STPG2: variants seen among roughly 807,000 people sequenced by gnomAD.
STPG2 encodes the protein sperm tail PG-rich repeat containing 2.
In STPG2, 56 loss-of-function variants were observed where a neutral mutation model predicts 54.2. That is an observed-to-expected ratio of 1.03 (90% CI 0.83 to 1.29). The LOEUF is 1.29. Among genes scored for constraint, STPG2 ranks in the 50% most tolerant of loss-of-function variants. The probability of loss-of-function intolerance (pLI) is 0.00; values close to 1 mark genes in which losing one functional copy is unlikely to be tolerated. For synonymous variants in STPG2, 200 were observed against 181.8 expected, an observed-to-expected ratio of 1.10 and a Z score of -0.81; for missense variants, 596 against 544.9, an observed-to-expected ratio of 1.09 and a Z score of -0.93.
intron 9 of STPG2, among the ~76,000 whole-genome samples, chr4:97,782,512 T>C (rs931342649): frequency 1.2e-4 from 18 of 152,166 alleles, no homozygotes; most frequent in Non-Finnish European, 2.4e-4. Context: ...ACCAAGGTAA[T>C]TTACACATTC....
chr4:97,840,414 ATAACT>A (rs1728762647), intron 9 of STPG2, among the ~76,000 whole-genome samples: 2 of 151,822 alleles, frequency 1.3e-5, no homozygotes, highest in East Asian at 1.9e-4. Context: ...TTTGAAAAAA[ATAACT>A]TAAGTCTTTT....
intron 8 of STPG2, among the ~76,000 whole-genome samples, chr4:97,887,884 G>T (rs936997295): frequency 6.6e-6 from 1 of 152,204 alleles, no homozygotes; most frequent in Non-Finnish European, 1.5e-5. Flanking sequence ...GCCCTGTGCA[G>T]CCTTGGGAAA....
intron 4 of STPG2, among the ~76,000 whole-genome samples, chr4:97,471,146 T>A (rs2148814925): frequency 6.6e-6 from 1 of 152,278 alleles, no homozygotes; most frequent in African/African-American, 2.4e-5. Context: ...AATTTAAAAC[T>A]TACTAATTAT....
chr4:97,697,946 A>G (rs1490544293), intron 10 of STPG2, among the ~76,000 whole-genome samples: 1 of 152,184 alleles, frequency 6.6e-6, no homozygotes, highest in Non-Finnish European at 1.5e-5. Context: ...CTATAGAAAC[A>G]ATGCTTATCA....
intron 10 of STPG2, among the ~76,000 whole-genome samples, chr4:97,691,845 C>T (rs752656736): frequency 5.3e-5 from 8 of 152,098 alleles, no homozygotes; most frequent in East Asian, 1.9e-4. Flanking sequence ...GGCTGACAGA[C>T]GTGAAGACGA....
chr4:97,799,147 T>C (rs1457505799), intron 9 of STPG2, among the ~76,000 whole-genome samples: 1 of 141,668 alleles, frequency 7.1e-6, no homozygotes, highest in Non-Finnish European at 1.5e-5. Flanking sequence ...AGTTTGTCAG[T>C]CTGTGTCTTT....
rs543069388 is a variant in STPG2, at chr4:97,926,092, C to T, written c.1044+17805G>A. The stretch of plus-strand genomic sequence containing the variant: ...ACTAGATCCTGACTGATCATAGGCC[C>T]TCTCTACCTAAATGTATCTTTATGC... On this transcript the variant is annotated intron_variant, in intron 8 of 10. Coordinates refer to ENST00000295268, the MANE Select transcript of STPG2 (RefSeq NM_174952.3). Among the ~76,000 whole-genome samples, 34 of 152,226 alleles carry T rather than the reference C, an allele frequency of 2.2e-4. No homozygotes were observed. The South Asian group carries it at 3.1e-3, about 14-fold the overall frequency.
At chr4:97,815,541 C>G (rs965949241) in intron 9 of STPG2, among the ~76,000 whole-genome samples, 3 of 151,966 alleles carry the variant, frequency 2.0e-5, no homozygotes, top group African/African-American at 7.3e-5. Flanking sequence ...GTTTTCTTTC[C>G]TCACTCTCTT....
intron 10 of STPG2, among the ~76,000 whole-genome samples, chr4:97,587,494 A>G (rs1036099799): frequency 1.3e-5 from 2 of 152,052 alleles, no homozygotes; most frequent in African/African-American, 4.8e-5. Context: ...TTTAAAAACA[A>G]TAAGAACCTT....
At position 97,928,003 on chromosome 4, in the gene STPG2, A is replaced by T. The variant is rs193079986; in HGVS notation, c.1044+15894T>A. On this transcript the variant is annotated intron_variant, in intron 8 of 10. Transcript: ENST00000295268. ...TCTCAGGGTGATTCCCCTAACACAT[A>T]CTCAAAACCAAAACATTCAACACAG... Among the ~76,000 whole-genome samples the T allele has an allele frequency of 1.1e-4, 17 of 152,282 alleles. No individual in the cohort carries two copies. In the East Asian group the frequency reaches 2.9e-3, roughly 26 times the overall value.
intron 10 of STPG2, among the ~76,000 whole-genome samples, chr4:97,692,583 C>T (rs777133575): frequency 1.3e-5 from 2 of 152,010 alleles, no homozygotes. Context: ...TTGGTATTCC[C>T]GAGGAAGAAG....
chr4:97,488,703 C>A (rs1327081969), intron 4 of STPG2, among the ~76,000 whole-genome samples: 2 of 151,594 alleles, frequency 1.3e-5, no homozygotes, highest in Non-Finnish European at 3.0e-5. Flanking sequence ...CAGAAAGAGA[C>A]AATACATAGA....
At chr4:97,864,350 A>C in intron 8 of STPG2, among the ~76,000 whole-genome samples, 1 of 152,178 alleles carries the variant, frequency 6.6e-6, no homozygotes, top group Non-Finnish European at 1.5e-5. Context: ...ATTACTTCAA[A>C]GAGAATAAAA....
intron 5 of STPG2, among the ~76,000 whole-genome samples, chr4:97,999,014 T>C (rs1394187138): frequency 2.2e-5 from 3 of 136,154 alleles, no homozygotes; most frequent in Non-Finnish European, 4.9e-5. Context: ...ATTTGTATTT[T>C]TTTTTCTGTA....
chr4:97,998,817 C>T (rs1280458120), intron 5 of STPG2, among the ~76,000 whole-genome samples: 1 of 152,056 alleles, frequency 6.6e-6, no homozygotes, highest in Admixed American at 6.6e-5. Flanking sequence ...GTAAAAAACC[C>T]TGGCAAGACT....
Position 97,792,351 on chromosome 4 carries a change from T to G in STPG2, c.1204+48422A>C, listed in dbSNP as rs538568358. On this transcript the variant is annotated intron_variant, in intron 9 of 10. Transcript: ENST00000295268. ...CCCCTGCTAGGGAGACACTAAAACTTTAATTAATCCTTGACTTCTCCCTTT... is the reference window on the plus strand; with the variant it reads ...CCCCTGCTAGGGAGACACTAAAACTGTAATTAATCCTTGACTTCTCCCTTT... Among the ~76,000 whole-genome samples the G allele has an allele frequency of 4.6e-5, 7 of 152,260 alleles. No homozygotes were observed. The South Asian group carries it at 1.4e-3, about 32-fold the overall frequency.
At chr4:97,766,455 T>G (rs1048252787) in intron 9 of STPG2, among the ~76,000 whole-genome samples, 1 of 152,030 alleles carries the variant, frequency 6.6e-6, no homozygotes, top group Non-Finnish European at 1.5e-5. Context: ...AAAATACTAA[T>G]GAGTACACAA....
chr4:97,733,631 T>C (rs749330930), intron 9 of STPG2, among the ~76,000 whole-genome samples: 2 of 152,158 alleles, frequency 1.3e-5, no homozygotes, highest in Non-Finnish European at 2.9e-5. Flanking sequence ...ATGGAAGCTC[T>C]TGTAGCTAGG....
chr4:97,679,793 G>T (rs1263991705), intron 10 of STPG2, among the ~76,000 whole-genome samples: 6 of 152,072 alleles, frequency 3.9e-5, no homozygotes, highest in South Asian at 2.1e-4. Flanking sequence ...CATCTTGAAT[G>T]AATTTTTGTA....
Sources: allele counts gnomAD v4.1 joint callset (sites outside exome capture counted in the v4.1 genomes callset), GRCh38; gene constraint gnomAD v4.1.1; transcripts MANE v1.5; gene names NCBI Gene and HGNC (gene_info 2026-07-23, HGNC 2026-07-21).